TEDC2: variants seen among roughly 807,000 people sequenced by gnomAD.
TEDC2 encodes the protein tubulin epsilon and delta complex 2.
In TEDC2, 49 loss-of-function variants were observed where a neutral mutation model predicts 48.1. The observed-to-expected ratio is 1.02, with a 90% CI of 0.81 to 1.29. The LOEUF (loss-of-function observed/expected upper bound fraction) is 1.29, where lower values mean the gene tolerates loss of function less well. TEDC2 is among the 50% of genes most tolerant of loss of function. TEDC2 has a pLI of 0.00. For synonymous variants in TEDC2, 299 were observed against 247.1 expected, an observed-to-expected ratio of 1.21 and a Z score of -1.97; for missense variants, 631 against 571.4, an observed-to-expected ratio of 1.10 and a Z score of -1.06.
At chr16:2,464,250 G>C (rs1440445644) in intron 9 of TEDC2, 21 bp downstream of exon 9, 3 of 1,607,116 alleles carry the variant, frequency 1.9e-6, no homozygotes, top group Non-Finnish European at 2.5e-6. Context: ...AAGAGGAGGT[G>C]GGGGTGCAAC....
In TEDC2 at chr16:2,464,104, G is replaced by T. The variant is rs967198374; in HGVS notation, c.1030G>T (p.Gly344Trp). 5 of 1,612,872 alleles carry T rather than the reference G, an allele frequency of 3.1e-6. No individual in the cohort carries two copies. Among genetic ancestry groups the T allele is most frequent in the Non-Finnish European group, 4.2e-6 (5 of 1,179,990 alleles). ...GRPPGASPSC[G>W]GRAEPAWSPQ... ...GCCCCCCGGAGCCTCGCCGTCCTGT[G>T]GGGGTAGAGCGGAGCCTGCATGGAG... is the stretch of plus-strand genomic sequence containing the variant. The change falls in exon 9 of 10, where the codon GGG becomes TGG. Residue 344 changes from glycine to tryptophan, a missense_variant. Physicochemically the swap from Gly to Trp is radical, Grantham distance 184. Transcript: ENST00000361837.
intron 3 of TEDC2, 41 bp downstream of exon 3, chr16:2,460,734 C>T (rs1314796716): frequency 2.5e-6 from 4 of 1,612,436 alleles, no homozygotes; most frequent in East Asian, 2.2e-5. Context: ...GCTGCTCTGG[C>T]CTGTCTGCTG....
Position 2,464,197 on chromosome 16 carries a change from G to T in TEDC2, c.1123G>T (p.Ala375Ser), listed in dbSNP as rs887598950. ...QTLAALKLRV[A>S]VLDQQIHLEK... ...CCTGGCGGCCCTCAAGCTGCGAGTG[G>T]CTGTGCTGGACCAGCAGATCCACTT... Residue 375 changes from alanine to serine, a missense_variant, in exon 9 of 10, where the codon GCT (alanine) becomes TCT (serine). Ala to Ser is a moderately conservative substitution (Grantham distance 99, BLOSUM62 1). Coordinates refer to ENST00000361837, the MANE Select transcript of TEDC2 (RefSeq NM_025108.3). 1 of 1,612,214 alleles carries T rather than the reference G, an allele frequency of 6.2e-7. No individual in the cohort carries two copies.
At chr16:2,461,707 A>G in intron 4 of TEDC2, 40 bp from the exon 5 acceptor site, 1 of 1,612,490 alleles carries the variant, frequency 6.2e-7, no homozygotes, top group Non-Finnish European at 8.5e-7. Context: ...TAGACCCCAG[A>G]GCAAGGCGAT....
At chr16:2,461,265 GCCT>G in intron 4 of TEDC2, 41 bp downstream of exon 4, 1 of 1,438,008 alleles carries the variant, frequency 7.0e-7, no homozygotes, top group Non-Finnish European at 9.2e-7. Flanking sequence ...TTCTGTCTCT[GCCT>G]CCTCAGACCC....
In TEDC2 at chr16:2,460,160, T is replaced by C; in HGVS notation, c.16T>C (p.Cys6Arg). 1.5e-6 allele frequency: 2 copies of C among 1,327,164 alleles called. No individual in the cohort carries two copies. The highest frequency in any genetic ancestry group is 1.9e-5 in the South Asian group (1 of 53,362). 82.2% of individuals were successfully genotyped at this position (1,327,164 alleles called of 1,614,324 possible). MLPAG[C>R]SRRLVAELQG... ...CGCCGCCTTCATGCTGCCGGCGGGC[T>C]GCTCGCGCCGGTGAGGCCTGCGCGG... Residue 6 changes from cysteine to arginine, a missense_variant, in exon 1 of 10, where the codon TGC becomes CGC. Coordinates refer to ENST00000361837, the MANE Select transcript of TEDC2 (RefSeq NM_025108.3).
Position 2,460,886 on chromosome 16 carries a change from A to G in TEDC2, c.267A>G (p.Arg89=), listed in dbSNP as rs181260052. 1.9e-6 allele frequency: 3 copies of G among 1,613,592 alleles called. No homozygotes were observed. The highest frequency in any genetic ancestry group is 1.7e-6 in the Non-Finnish European group (2 of 1,180,010). Reference sequence around the variant, plus strand: ...CCCAGGCACTGGAGAAGGCTGTACGAGTTCGAAGAGGCATCACTAAGGCCG... The same window carrying G: ...CCCAGGCACTGGAGAAGGCTGTACGGGTTCGAAGAGGCATCACTAAGGCCG... ...FLTQALEKAV[R]VRRGITKAGE... The change falls in exon 4 of 10, where the codon CGA becomes CGG. Residue 89 remains arginine (R), a synonymous_variant. Transcript: ENST00000361837.
Position 2,464,911 on chromosome 16 carries a change from TCA to T in TEDC2, c.*245_*246del. The T allele has an allele frequency of 1.8e-6, 1 of 564,536 alleles. No individual in the cohort carries two copies. The highest frequency in any genetic ancestry group is 3.1e-6 in the Non-Finnish European group (1 of 319,596). 35.0% of individuals were successfully genotyped at this position (564,536 alleles called of 1,614,324 possible). A position where few individuals can be genotyped will look rare whatever the true frequency, so the allele number is the denominator to read the frequency against. On this transcript the variant is annotated 3_prime_UTR_variant, in exon 10 of 10. Coordinates refer to ENST00000361837, the MANE Select transcript of TEDC2 (RefSeq NM_025108.3). ...CTTTCCTGGCTCCCTCTGTTTTCTC[TCA>T]CTGTAGACCAAAGAGCCGCTTGTGT...
At chr16:2,461,512 A>T (rs145996012) in intron 4 of TEDC2, 7 of 637,068 alleles carry the variant, frequency 1.1e-5, no homozygotes, top group East Asian at 2.8e-5. Flanking sequence ...AGGGCGTGGG[A>T]TCTGCTCACA....
At position 2,460,280 on chromosome 16, in the gene TEDC2, C is replaced by T. The variant is rs1428022002; in HGVS notation, c.27-3C>T. On this transcript the variant is annotated splice_polypyrimidine_tract_variant and splice_region_variant and intron_variant, in intron 1 of 9. Transcript: ENST00000361837. ...GGTGCTGAGCCGCCGGTGCGTCCCC[C>T]AGGCTGGTGGCCGAGCTGCAGGGCG... is the stretch of plus-strand genomic sequence containing the variant. The T allele has an allele frequency of 2.0e-6, 3 of 1,525,408 alleles. No individual in the cohort carries two copies. Among genetic ancestry groups the T allele is most frequent in the East Asian group, 2.6e-5 (1 of 38,418 alleles). The allele number at this position is 1,525,408 out of a possible 1,614,324, so 94.5% of individuals were successfully genotyped here.
In TEDC2 at chr16:2,461,128, C is replaced by T. The variant is rs866428035; in HGVS notation, c.509C>T (p.Ala170Val). 5.8e-6 allele frequency: 9 copies of T among 1,564,084 alleles called. No homozygotes were observed. Among genetic ancestry groups the T allele is most frequent in the Non-Finnish European group, 6.9e-6 (8 of 1,153,168 alleles). Residue 170 changes from alanine (A) to valine (V), a missense_variant, in exon 4 of 10, where the codon GCC becomes GTC. Physicochemically the swap from Ala to Val is moderately conservative, Grantham distance 64 (BLOSUM62 0). Transcript: ENST00000361837. ...GATGGGACCCGTGTTGGGATGGGAG[C>T]CCGAACCCCCAGGCCTGGGGCGGGC... ...VGDGTRVGMG[A>V]RTPRPGAGLR...
Position 2,464,844 on chromosome 16 carries a change from A to C in TEDC2, c.*176A>C. The stretch of plus-strand genomic sequence containing the variant: ...AGCCTGCTGGTCAGGGCTGGCTTTC[A>C]GCCTTCCTAAGGCTCCTGGACTCCA... On this transcript the variant is annotated 3_prime_UTR_variant, in exon 10 of 10. Transcript: ENST00000361837. 1.1e-6 allele frequency: 1 copy of C among 880,674 alleles called. No homozygotes were observed. Among genetic ancestry groups the C allele is most frequent in the South Asian group, 1.8e-5 (1 of 56,574 alleles). The allele number at this position is 880,674 out of a possible 1,614,324, so 54.6% of individuals were successfully genotyped here.
intron 8 of TEDC2, 42 bp downstream of exon 8, chr16:2,462,774 G>A: frequency 1.3e-6 from 2 of 1,489,096 alleles, no homozygotes; most frequent in South Asian, 1.3e-5. Context: ...CTGAGGTCTG[G>A]GCCGGGGACA....
intron 2 of TEDC2, 91 bp downstream of exon 2, chr16:2,460,472 G>A (rs1162582430): frequency 6.7e-7 from 1 of 1,499,250 alleles, no homozygotes; most frequent in Non-Finnish European, 9.0e-7. Flanking sequence ...GGGCGCAGCC[G>A]CCCACTTCGG....
rs1010956128 is a variant in TEDC2, at chr16:2,461,138, C to G, written c.519C>G (p.Pro173=). 5.1e-6 allele frequency: 8 copies of G among 1,556,504 alleles called. No homozygotes were observed. Among genetic ancestry groups the G allele is most frequent in the South Asian group, 1.2e-5 (1 of 82,308 alleles). Residue 173 remains proline, a synonymous_variant, in exon 4 of 10, where the codon CCC becomes CCG. Coordinates refer to ENST00000361837, the MANE Select transcript of TEDC2 (RefSeq NM_025108.3). ...GTGTTGGGATGGGAGCCCGAACCCC[C>G]AGGCCTGGGGCGGGCCTCAGGGACC... is the stretch of plus-strand genomic sequence containing the variant. The part of the protein sequence containing the change: ...GTRVGMGART[P]RPGAGLRDQQ...
chr16:2,463,028 C>G (rs2065476875), intron 8 of TEDC2, among the ~76,000 whole-genome samples: 1 of 152,244 alleles, frequency 6.6e-6, no homozygotes, highest in African/African-American at 2.4e-5. Flanking sequence ...TGTTGAAAAA[C>G]TAGCATGTGA....
chr16:2,464,226 A>C lies in TEDC2; in HGVS notation c.1152A>C (p.Glu384Asp). 6.2e-7 allele frequency: 1 copy of C among 1,611,536 alleles called. No homozygotes were observed. Among genetic ancestry groups the C allele is most frequent in the South Asian group, 1.1e-5 (1 of 90,810 alleles). Residue 384 changes from glutamate to aspartate, a missense_variant, in exon 9 of 10, where the codon GAA becomes GAC. Coordinates refer to ENST00000361837, the MANE Select transcript of TEDC2 (RefSeq NM_025108.3). The part of the protein sequence containing the change: ...VAVLDQQIHL[E>D]KVLMAELLPL... Reference sequence around the variant, plus strand: ...TGCTGGACCAGCAGATCCACTTGGAAAAGGTGCTTCTGGAAGAGGAGGTGG... The same window carrying C: ...TGCTGGACCAGCAGATCCACTTGGACAAGGTGCTTCTGGAAGAGGAGGTGG...
intron 8 of TEDC2, among the ~76,000 whole-genome samples, chr16:2,463,193 C>T (rs918462762): frequency 3.3e-5 from 5 of 151,968 alleles, no homozygotes; most frequent in South Asian, 2.1e-4. Flanking sequence ...TGGTGGTGGG[C>T]GCCTGTAGTC....
Position 2,464,646 on chromosome 16 carries a change from T to C in TEDC2, c.1280T>C (p.Leu427Pro). 1 of 1,613,044 alleles carries C rather than the reference T, an allele frequency of 6.2e-7. No individual in the cohort carries two copies. The highest frequency in any genetic ancestry group is 8.5e-7 in the Non-Finnish European group (1 of 1,179,970). Residue 427 changes from leucine to proline, a missense_variant, in exon 10 of 10, where the codon CTG (leucine) becomes CCG (proline). By Grantham distance (98) the Leu-to-Pro change is moderately conservative (BLOSUM62 -3). Coordinates refer to ENST00000361837, the MANE Select transcript of TEDC2 (RefSeq NM_025108.3). ...GGAGGAGCACGTGTCCTTACCATCC[T>C]GCGGGATGAACCTGCAGTCTGAGCC... ...CEGGARVLTI[L>P]RDEPAV
Sources: allele counts gnomAD v4.1 joint callset (sites outside exome capture counted in the v4.1 genomes callset), GRCh38; gene constraint gnomAD v4.1.1; transcripts MANE v1.5; gene names NCBI Gene and HGNC (gene_info 2026-07-23, HGNC 2026-07-21).